TBC1D5: variants seen among roughly 807,000 people sequenced by gnomAD.
TBC1D5 encodes TBC1 domain family member 5.
Under a neutral mutation model 100.3 loss-of-function variants are expected in TBC1D5, and 75 were observed. The observed-to-expected ratio is 0.75, with a 90% CI of 0.62 to 0.91. TBC1D5 has a LOEUF of 0.91. Among genes scored for constraint, TBC1D5 ranks in the 40% least tolerant of loss-of-function variants. The probability of loss-of-function intolerance (pLI) is 0.00; values close to 1 mark genes in which losing one functional copy is unlikely to be tolerated. For synonymous variants in TBC1D5, 323 were observed against 325.6 expected (o/e 0.99, Z 0.09); for missense variants, 910 against 942.4 (o/e 0.97, Z 0.45).
intron 13 of TBC1D5, among the ~76,000 whole-genome samples, chr3:17,368,857 T>A (rs1229584212): frequency 6.6e-6 from 1 of 152,060 alleles, no homozygotes; most frequent in East Asian, 1.9e-4. Flanking sequence ...AGAAAGCAGT[T>A]TCATTAACTA....
intron 4 of TBC1D5, among the ~76,000 whole-genome samples, chr3:17,423,506 C>A (rs1396188504): frequency 6.6e-6 from 1 of 152,058 alleles, no homozygotes. Flanking sequence ...TTATTATAAT[C>A]TTCAGCTTAT....
At chr3:17,260,483 C>T (rs552071784) in intron 15 of TBC1D5, among the ~76,000 whole-genome samples, 35 of 152,066 alleles carry the variant, frequency 2.3e-4, no homozygotes, top group Non-Finnish European at 3.7e-4. Flanking sequence ...TTCACTGAGG[C>T]CTATTTAAAT....
intron 16 of TBC1D5, among the ~76,000 whole-genome samples, chr3:17,245,749 C>T (rs1475781790): frequency 2.6e-5 from 4 of 152,124 alleles, no homozygotes; most frequent in Non-Finnish European, 5.9e-5. Flanking sequence ...GGAAAAGAAA[C>T]TGAGATTTCT....
chr3:17,707,106 T>A (rs1028352890), intron 1 of TBC1D5, among the ~76,000 whole-genome samples: 16 of 152,062 alleles, frequency 1.1e-4, no homozygotes, highest in Non-Finnish European at 1.5e-5. Context: ...AATTTTCACC[T>A]AACTTATTTA....
At chr3:17,437,269 C>T (rs1200854960) in intron 3 of TBC1D5, among the ~76,000 whole-genome samples, 4 of 152,064 alleles carry the variant, frequency 2.6e-5, no homozygotes, top group African/African-American at 7.2e-5. Context: ...ATTACCCAGT[C>T]AGTGATATTC....
intron 3 of TBC1D5, among the ~76,000 whole-genome samples, chr3:17,491,107 G>A (rs537731421): frequency 6.6e-6 from 1 of 152,140 alleles, no homozygotes; most frequent in South Asian, 2.1e-4. Flanking sequence ...TTGGCTCTCT[G>A]CTTGTCAGCT....
At chr3:17,264,593 T>C (rs1238749702) in intron 15 of TBC1D5, among the ~76,000 whole-genome samples, 1 of 148,638 alleles carries the variant, frequency 6.7e-6, no homozygotes, top group Non-Finnish European at 1.5e-5. Flanking sequence ...TTGGCACTCA[T>C]GTGCTCTAGC....
chr3:17,252,607 C>CTA (rs1475886340), intron 16 of TBC1D5, among the ~76,000 whole-genome samples: 2 of 152,146 alleles, frequency 1.3e-5, no homozygotes, highest in African/African-American at 4.8e-5. Context: ...GTAATGGTAA[C>CTA]TATTCTTACC....
chr3:17,529,746 A>C (rs2096193351), intron 2 of TBC1D5, among the ~76,000 whole-genome samples: 1 of 151,830 alleles, frequency 6.6e-6, no homozygotes, highest in South Asian at 2.1e-4. Flanking sequence ...TGCCGGGCTC[A>C]AGCAATCCTC....
At chr3:17,223,456 G>A (rs2074503026) in intron 17 of TBC1D5, among the ~76,000 whole-genome samples, 1 of 152,158 alleles carries the variant, frequency 6.6e-6, no homozygotes, top group Non-Finnish European at 1.5e-5. Context: ...ATTGTGAGAT[G>A]GTTATGTATG....
intron 1 of TBC1D5, among the ~76,000 whole-genome samples, chr3:17,702,806 G>A (rs931019053): frequency 6.6e-6 from 1 of 152,118 alleles, no homozygotes; most frequent in African/African-American, 2.4e-5. Context: ...GCTGGCCTGA[G>A]TGATTAAAAC....
At chr3:17,279,962 C>G (rs1297433491) in intron 15 of TBC1D5, among the ~76,000 whole-genome samples, 1 of 152,178 alleles carries the variant, frequency 6.6e-6, no homozygotes, top group African/African-American at 2.4e-5. Context: ...GGTAACTGAA[C>G]TGCAATGAAC....
At chr3:17,650,955 G>T (rs1329716216) in intron 1 of TBC1D5, among the ~76,000 whole-genome samples, 2 of 152,050 alleles carry the variant, frequency 1.3e-5, no homozygotes, top group Non-Finnish European at 2.9e-5. Flanking sequence ...TATTAATCTG[G>T]AGTACTCCCA....
chr3:17,352,815 C>T (rs141754740), intron 13 of TBC1D5, among the ~76,000 whole-genome samples: 1 of 151,560 alleles, frequency 6.6e-6, no homozygotes, highest in East Asian at 1.9e-4. Flanking sequence ...ATGAGTTGTA[C>T]GTAAAACATG....
intron 3 of TBC1D5, among the ~76,000 whole-genome samples, chr3:17,485,545 T>A (rs1330487652): frequency 7.3e-6 from 1 of 137,466 alleles, no homozygotes; most frequent in Non-Finnish European, 1.5e-5. Context: ...CCTGTGTCCA[T>A]GTGTTCTCAT....
intron 2 of TBC1D5, among the ~76,000 whole-genome samples, chr3:17,517,713 T>G (rs1484549113): frequency 6.6e-6 from 1 of 152,186 alleles, no homozygotes; most frequent in Non-Finnish European, 1.5e-5. Context: ...GGCTAAACTT[T>G]TAAGTCAATT....
intron 17 of TBC1D5, among the ~76,000 whole-genome samples, chr3:17,223,392 G>C (rs1213965291): frequency 6.6e-6 from 1 of 152,140 alleles, no homozygotes; most frequent in East Asian, 1.9e-4. Context: ...CAAAATGCTT[G>C]TCCATGTATA....
intron 13 of TBC1D5, among the ~76,000 whole-genome samples, chr3:17,366,975 G>C (rs2092174035): frequency 6.6e-6 from 1 of 152,098 alleles, no homozygotes; most frequent in Admixed American, 6.5e-5. Flanking sequence ...GGGGGATATG[G>C]AATTTATCCC....
intron 19 of TBC1D5, among the ~76,000 whole-genome samples, chr3:17,174,931 T>C (rs1315206284): frequency 6.6e-6 from 1 of 152,158 alleles, no homozygotes; most frequent in Admixed American, 6.6e-5. Context: ...ACTGGCTAAG[T>C]GACCAATGTG....
Sources: allele counts gnomAD v4.1 joint callset (sites outside exome capture counted in the v4.1 genomes callset), GRCh38; gene constraint gnomAD v4.1.1; transcripts MANE v1.5; gene names NCBI Gene and HGNC (gene_info 2026-07-23, HGNC 2026-07-21).